Variants in C19orf25 observed in about 807,000 individuals in gnomAD.
C19orf25 encodes UPF0449 protein C19orf25.
Under a neutral mutation model 3.1 loss-of-function variants are expected in C19orf25, and 1 was observed. The ratio of observed to expected loss-of-function variants is 0.32; its 90% CI spans 0.12 to 1.54. The LOEUF (loss-of-function observed/expected upper bound fraction) is 1.54, where lower values mean the gene tolerates loss of function less well. Among genes scored for constraint, C19orf25 ranks in the 40% most tolerant of loss-of-function variants. The pLI, the probability that C19orf25 is intolerant of heterozygous loss-of-function variation, is 0.38. For missense variants in C19orf25, 196 were observed against 160.4 expected (o/e 1.22, Z -1.20); for synonymous variants, 91 against 74.3 (o/e 1.23, Z -1.16).
rs186284902 is a variant in C19orf25, at chr19:1,474,616, G to A, written c.*416C>T. On this transcript the variant is annotated 3_prime_UTR_variant, in exon 3 of 3. Coordinates refer to ENST00000585675, the MANE Select transcript of C19orf25 (RefSeq NM_152482.3). ...CTGCTCTGACATTGGGTGGGCACTC[G>A]CTGGATGGAATCACAGTTAACACCT... The A allele has an allele frequency of 1.9e-3, 922 of 496,946 alleles. 6 individuals carry two copies. The highest frequency in any genetic ancestry group is 4.1e-3 in the Admixed American group (112 of 27,578). 30.8% of individuals were successfully genotyped at this position (496,946 alleles called of 1,614,324 possible).
At chr19:1,479,086 T>A in intron 1 of C19orf25, 77 bp downstream of exon 1, 1 of 1,357,440 alleles carries the variant, frequency 7.4e-7, no homozygotes. Flanking sequence ...AAAAACACGG[T>A]GGCCAAGGCT....
chr19:1,475,571 C>T, intron 2 of C19orf25: 1 of 318,894 alleles, frequency 3.1e-6, no homozygotes, highest in Non-Finnish European at 5.9e-6. Flanking sequence ...CATCTGTGGT[C>T]CCTACTTCTC....
At chr19:1,477,463 G>C (rs941915454) in intron 2 of C19orf25, among the ~76,000 whole-genome samples, 14 of 152,352 alleles carry the variant, frequency 9.2e-5, no homozygotes, top group African/African-American at 3.4e-4. Context: ...GCCTCATCCA[G>C]AACACAAAAT....
In C19orf25 at chr19:1,479,151, G is replaced by A. The variant is rs895211226; in HGVS notation, c.-3+12C>T. ...TTCCCCGCGGTCACCCCAGTCGCCG[G>A]CCTCTTCCCACCTGGGCGCGGGACC... On this transcript the variant is annotated intron_variant, in intron 1 of 2. Transcript: ENST00000585675. The A allele has an allele frequency of 3.0e-5, 39 of 1,290,358 alleles. No individual in the cohort carries two copies. Among genetic ancestry groups the A allele is most frequent in the Admixed American group, 8.3e-5 (2 of 24,028 alleles). 79.9% of individuals were successfully genotyped at this position (1,290,358 alleles called of 1,614,324 possible).
chr19:1,477,866 G>A (rs765112933), intron 2 of C19orf25, among the ~76,000 whole-genome samples: 1 of 152,120 alleles, frequency 6.6e-6, no homozygotes, highest in Admixed American at 6.6e-5. Context: ...TATTGAAACA[G>A]AGTCTCACTG....
intron 2 of C19orf25, among the ~76,000 whole-genome samples, chr19:1,477,022 T>TA (rs2084212291): frequency 6.7e-6 from 1 of 150,102 alleles, no homozygotes; most frequent in African/African-American, 2.5e-5. Flanking sequence ...TTGTTTGAGA[T>TA]AGAGTCTTGC....
Position 1,473,444 on chromosome 19 carries a change from CT to C in C19orf25, c.*1587del, listed in dbSNP as rs1214549931. On this transcript the variant is annotated 3_prime_UTR_variant, in exon 3 of 3. Transcript: ENST00000585675. Reference sequence around the variant, plus strand: ...ACTGGCTGAGGCCAGGAGTCTCCCCCTGGTCCCAAGGGAGGGCAGGCTCCAG... The same window carrying C: ...ACTGGCTGAGGCCAGGAGTCTCCCCCGGTCCCAAGGGAGGGCAGGCTCCAG... 1 of 152,282 alleles carries C rather than the reference CT, an allele frequency of 6.6e-6. No individual in the cohort carries two copies. The highest frequency in any genetic ancestry group is 1.9e-4 in the East Asian group (1 of 5,198). The allele number at this position is 152,282 out of a possible 1,614,324, so 9.4% of individuals were successfully genotyped here. A position where few individuals can be genotyped will look rare whatever the true frequency, so the allele number is the denominator to read the frequency against.
intron 2 of C19orf25, 91 bp downstream of exon 2, chr19:1,478,683 G>A: frequency 2.0e-6 from 3 of 1,516,646 alleles, no homozygotes; most frequent in Non-Finnish European, 2.7e-6. Context: ...TTCCCAGGGC[G>A]TGGGGTCAGG....
At chr19:1,475,487 C>G (rs1390630054) in intron 2 of C19orf25, 3 of 540,538 alleles carry the variant, frequency 5.6e-6, no homozygotes, top group African/African-American at 3.8e-5. Flanking sequence ...TAGAGACCAG[C>G]CTGGACAACA....
chr19:1,476,103 CG>C, intron 2 of C19orf25: 1 of 398,384 alleles, frequency 2.5e-6, no homozygotes, highest in Non-Finnish European at 4.4e-6. Flanking sequence ...GCAGAAACTA[CG>C]TATGGCTCCC....
At position 1,474,873 on chromosome 19, in the gene C19orf25, C is replaced by A; in HGVS notation, c.*159G>T. ...TCCCACCAACTCGGCATGAATGAGA[C>A]GACGGATGAACCGCAGCCCCAGCAT... On this transcript the variant is annotated 3_prime_UTR_variant, in exon 3 of 3. Transcript: ENST00000585675. The A allele has an allele frequency of 6.7e-7, 1 of 1,493,724 alleles. No homozygotes were observed. The highest frequency in any genetic ancestry group is 1.3e-5 in the South Asian group (1 of 78,946). 92.5% of individuals were successfully genotyped at this position (1,493,724 alleles called of 1,614,324 possible).
Position 1,478,764 on chromosome 19 carries a change from C to T in C19orf25, c.130+10G>A, listed in dbSNP as rs760304892. 1.3e-6 allele frequency: 2 copies of T among 1,561,272 alleles called. No individual in the cohort carries two copies. Among genetic ancestry groups the T allele is most frequent in the South Asian group, 2.4e-5 (2 of 84,944 alleles). On this transcript the variant is annotated intron_variant, in intron 2 of 2. Coordinates refer to ENST00000585675, the MANE Select transcript of C19orf25 (RefSeq NM_152482.3). ...AGGTCCGCTTTTCCCCGGGACCGGGCTCCCCCTACCTTCCGGGGCCAGGAT... is the reference window on the plus strand; with the variant it reads ...AGGTCCGCTTTTCCCCGGGACCGGGTTCCCCCTACCTTCCGGGGCCAGGAT...
rs141095319 is a variant in C19orf25 at position 1,474,440 on chromosome 19, C to T, written c.*592G>A. 8.2e-3 allele frequency: 1,426 copies of T among 173,758 alleles called. 10 individuals are homozygous for T. Among genetic ancestry groups the T allele is most frequent in the Non-Finnish European group, 0.012 (993 of 82,338 alleles). 10.8% of individuals were successfully genotyped at this position (173,758 alleles called of 1,614,324 possible). On this transcript the variant is annotated 3_prime_UTR_variant, in exon 3 of 3. Transcript: ENST00000585675. ...GGCAGTGGCTGGGAGACACCCGTGC[C>T]GTGGAGCTAGGCCCAGCCTGGCTGG... is the stretch of plus-strand genomic sequence containing the variant.
intron 2 of C19orf25, chr19:1,476,385 G>A (rs934189795): frequency 1.5e-5 from 6 of 397,660 alleles, no homozygotes; most frequent in Admixed American, 4.4e-5. Context: ...CCCGTCCCCC[G>A]CACAGCGTGC....
In C19orf25 at chr19:1,473,533, T is replaced by C. The variant is rs2084171245; in HGVS notation, c.*1499A>G. 1.3e-5 allele frequency: 2 copies of C among 152,346 alleles called. No homozygotes were observed. Among genetic ancestry groups the C allele is most frequent in the Admixed American group, 6.5e-5 (1 of 15,312 alleles). 9.4% of individuals were successfully genotyped at this position (152,346 alleles called of 1,614,324 possible). Reference sequence around the variant, plus strand: ...GCATTGGTACCTGGGCCAGTTATTATGGCAGGCCCCAGTGTGGGGCAGGAG... The same window carrying C: ...GCATTGGTACCTGGGCCAGTTATTACGGCAGGCCCCAGTGTGGGGCAGGAG... On this transcript the variant is annotated 3_prime_UTR_variant, in exon 3 of 3. Transcript: ENST00000585675.
rs2084175774 is a variant in C19orf25, at chr19:1,473,861, A to G, written c.*1171T>C. ...GGTGAGCAGCTTCAGAAGCATGACCAGTGAGAAGTCCCTAGGGCCCAGGCC... is the reference window on the plus strand; with the variant it reads ...GGTGAGCAGCTTCAGAAGCATGACCGGTGAGAAGTCCCTAGGGCCCAGGCC... On this transcript the variant is annotated 3_prime_UTR_variant, in exon 3 of 3. Transcript: ENST00000585675. 6.6e-6 allele frequency: 1 copy of G among 152,330 alleles called. No homozygotes were observed. The highest frequency in any genetic ancestry group is 2.4e-5 in the African/African-American group (1 of 41,478). 9.4% of individuals were successfully genotyped at this position (152,330 alleles called of 1,614,324 possible). A position where few individuals can be genotyped will look rare whatever the true frequency, so the allele number is the denominator to read the frequency against.
Position 1,474,780 on chromosome 19 carries a change from T to A in C19orf25, c.*252A>T. On this transcript the variant is annotated 3_prime_UTR_variant, in exon 3 of 3. Coordinates refer to ENST00000585675, the MANE Select transcript of C19orf25 (RefSeq NM_152482.3). ...CGACAGAATCACAGTACAGCAATAA[T>A]GTCCCTATCCTCTTCCAGAACCCCA... 7.0e-7 allele frequency: 1 copy of A among 1,430,532 alleles called. No individual in the cohort carries two copies. The highest frequency in any genetic ancestry group is 9.1e-7 in the Non-Finnish European group (1 of 1,093,146). The allele number at this position is 1,430,532 out of a possible 1,614,324, so 88.6% of individuals were successfully genotyped here.
At chr19:1,478,590 G>C in intron 2 of C19orf25, 184 bp downstream of exon 2, 9 of 1,397,922 alleles carry the variant, frequency 6.4e-6, no homozygotes, top group Non-Finnish European at 7.4e-6. Flanking sequence ...CCTGTCAGAA[G>C]AACCCTCTGA....
In C19orf25 at chr19:1,475,192, CT is replaced by C; in HGVS notation, c.196del (p.Ser66AlafsTer18). On this transcript the variant is annotated frameshift_variant, in exon 3 of 3. Transcript: ENST00000585675. LOFTEE classifies it low-confidence loss of function (END_TRUNC). ...EAPGEQLYQQ[S>X]RAYVAANQRL... ...CTGGTTGGCAGCCACGTAGGCCCGG[CT>C]TTGCTGGTAGAGCTGCTCTCCCGGG... 1 of 1,570,000 alleles carries C rather than the reference CT, an allele frequency of 6.4e-7. No individual in the cohort carries two copies. Among genetic ancestry groups the C allele is most frequent in the Non-Finnish European group, 8.6e-7 (1 of 1,158,744 alleles).
Sources: allele counts gnomAD v4.1 joint callset (sites outside exome capture counted in the v4.1 genomes callset), GRCh38; gene constraint gnomAD v4.1.1; transcripts MANE v1.5; gene names NCBI Gene and HGNC (gene_info 2026-07-23, HGNC 2026-07-21).